The following AHNAK2 variants were observed in gnomAD, a reference collection of about 807,000 sequenced individuals.
AHNAK2 encodes the protein AHNAK nucleoprotein 2.
A neutral mutation model predicts 30.7 loss-of-function variants in AHNAK2; 18 were observed. That is an observed-to-expected ratio of 0.59 (90% confidence interval 0.41 to 0.87). AHNAK2 has a LOEUF of 0.87. Among genes scored for constraint, AHNAK2 ranks in the 40% least tolerant of loss-of-function variants. The pLI, the probability that AHNAK2 is intolerant of heterozygous loss-of-function variation, is 0.00. For synonymous variants in AHNAK2, 3,590 were observed against 3,073.8 expected, an observed-to-expected ratio of 1.17 and a Z score of -5.56; for missense variants, 8,604 against 7,373.0, an observed-to-expected ratio of 1.17 and a Z score of -6.11.
At chr14:104,955,392 G>A in intron 5 of AHNAK2, 91 bp downstream of exon 5, 2 of 1,497,226 alleles carry the variant, frequency 1.3e-6, no homozygotes, top group East Asian at 2.3e-5. Flanking sequence ...CTAAGCTCCA[G>A]GTGTGGTTCT....
chr14:104,940,963 C>A lies in AHNAK2; in HGVS notation c.14488G>T (p.Asp4830Tyr). Reference protein sequence around the residue: ...IPLPKTECSTDLQPPEGVPTS... With the variant: ...IPLPKTECSTYLQPPEGVPTS... ...GGAACTCCCTCTGGAGGCTGCAGGTCAGTGGAGCACTCTGTCTTGGGAAGA... is the reference window on the plus strand; with the variant it reads ...GGAACTCCCTCTGGAGGCTGCAGGTAAGTGGAGCACTCTGTCTTGGGAAGA... Residue 4830 changes from aspartate (D) to tyrosine (Y), a missense_variant, in exon 7 of 7, where the codon GAC becomes TAC. Physicochemically the swap from Asp to Tyr is radical, Grantham distance 160. Transcript: ENST00000333244. The surrounding 1 kb of genome is among the most constrained non-coding windows in gnomAD (Gnocchi z 4.4). 1 of 1,613,080 alleles carries A rather than the reference C, an allele frequency of 6.2e-7. No individual in the cohort carries two copies. The highest frequency in any genetic ancestry group is 1.1e-5 in the South Asian group (1 of 91,046).
rs1448353318 is a variant in AHNAK2, at chr14:104,947,555, C to A, written c.7896G>T (p.Gly2632=). The change falls in exon 7 of 7, where the codon GGG becomes GGT. Residue 2632 remains glycine, a synonymous_variant. Coordinates refer to ENST00000333244, the MANE Select transcript of AHNAK2 (RefSeq NM_138420.4). ...RAKLDGARLE[G]DLSLADKGVT... is the part of the protein sequence containing the mutation. ...CACCCTTGTCGGCCAGGGACAGGTC[C>A]CCCTCCAGCCGCGCACCATCCAGCT... The A allele has an allele frequency of 1.9e-6, 3 of 1,612,656 alleles. No individual in the cohort carries two copies. Among genetic ancestry groups the A allele is most frequent in the Admixed American group, 1.7e-5 (1 of 59,882 alleles).
At chr14:104,967,404 C>T (rs947768216) in intron 1 of AHNAK2, among the ~76,000 whole-genome samples, 3 of 152,264 alleles carry the variant, frequency 2.0e-5, no homozygotes, top group Non-Finnish European at 2.9e-5. Flanking sequence ...CAGCCGGCTG[C>T]ACTCCCAAAT....
rs747383496 is a variant in AHNAK2, at chr14:104,953,150, C to T, written c.2301G>A (p.Lys767=). The T allele has an allele frequency of 1.9e-6, 3 of 1,613,370 alleles. No individual in the cohort carries two copies. The highest frequency in any genetic ancestry group is 2.2e-5 in the East Asian group (1 of 44,864). Residue 767 remains lysine (K), a synonymous_variant, in exon 7 of 7, where the codon AAG becomes AAA. Transcript: ENST00000333244. ...GGCCCTTGAGGTCCACTTTGGGCAT[C>T]TTCAAACTGGGCCTCTGCACCTTGG... is the stretch of plus-strand genomic sequence containing the variant. The part of the protein sequence containing the change: ...HLPKVQRPSL[K]MPKVDLKGPK...
rs1566906777 is a variant in AHNAK2 at position 104,946,891 on chromosome 14, CT to C, written c.8559del (p.Asp2855IlefsTer25). The C allele has an allele frequency of 3.1e-6, 5 of 1,612,576 alleles. No homozygotes were observed. The highest frequency in any genetic ancestry group is 1.1e-5 in the South Asian group (1 of 91,030). On this transcript the variant is annotated frameshift_variant, in exon 7 of 7. Coordinates refer to ENST00000333244, the MANE Select transcript of AHNAK2 (RefSeq NM_138420.4). LOFTEE classifies it low-confidence loss of function (END_TRUNC). ...VEADGSFPSM[Q>X]GDLKTTDIRI... The stretch of plus-strand genomic sequence containing the variant: ...CGGATGTCAGTGGTCTTAAGATCCC[CT>C]TGCATGGAGGGGAAGCTCCCGTCAG...
At position 104,940,871 on chromosome 14, in the gene AHNAK2, T is replaced by A; in HGVS notation, c.14580A>T (p.Val4860=). The A allele has an allele frequency of 6.2e-7, 1 of 1,612,292 alleles. No homozygotes were observed. Among genetic ancestry groups the A allele is most frequent in the South Asian group, 1.1e-5 (1 of 91,046 alleles). ...NSMIPVSLGQ[V]SFPKFYKPKF... ...TTGGTTTATAGAATTTAGGAAAAGA[T>A]ACCTGACCAAGAGAAACAGGAATCA... Residue 4860 remains valine, a synonymous_variant, in exon 7 of 7, where the codon GTA becomes GTT. Transcript: ENST00000333244. This position sits in a 1 kb window ranked among gnomAD's most constrained non-coding sequence, Gnocchi z 4.4.
rs201786194 is a variant in AHNAK2 at position 104,951,905 on chromosome 14, G to C, written c.3546C>G (p.Ile1182Met). The change falls in exon 7 of 7, where the codon ATC (isoleucine) becomes ATG (methionine). Residue 1182 changes from isoleucine to methionine, a missense_variant. Physicochemically the swap from Ile to Met is conservative, Grantham distance 10. Coordinates refer to ENST00000333244, the MANE Select transcript of AHNAK2 (RefSeq NM_138420.4). ...GTGCAGACACATCCACCGAGGCCTC[G>C]ATGGACTTGCCTGGGGCTGACGCCC... The part of the protein sequence containing the change: ...SFGASAPGKS[I>M]EASVDVSAPK... 240 of 1,609,318 alleles carry C rather than the reference G, an allele frequency of 1.5e-4. 4 individuals carry two copies. The highest frequency in any genetic ancestry group is 8.3e-4 in the Middle Eastern group (5 of 6,018).
At chr14:104,971,575 ATCCTT>A (rs1191123508) in intron 1 of AHNAK2, among the ~76,000 whole-genome samples, 2 of 151,358 alleles carry the variant, frequency 1.3e-5, no homozygotes, top group Non-Finnish European at 2.9e-5. Flanking sequence ...CAAGCCTCCC[ATCCTT>A]CCCCGTCATT....
rs574032771 is a variant in AHNAK2, at chr14:104,953,578, C to G, written c.1873G>C (p.Glu625Gln). Residue 625 changes from glutamate (E) to glutamine (Q), a missense_variant, in exon 7 of 7, where the codon GAA (glutamate) becomes CAA (glutamine). Coordinates refer to ENST00000333244, the MANE Select transcript of AHNAK2 (RefSeq NM_138420.4). ...GEATATADRR[E>Q]QRRTEEGLKD... ...AATCCTTCCTCTGTGCGTCTCTGTT[C>G]TCTTCTATCAGCTGTTGCTGTGGCC... 1.2e-6 allele frequency: 2 copies of G among 1,613,958 alleles called. No homozygotes were observed. The highest frequency in any genetic ancestry group is 8.5e-7 in the Non-Finnish European group (1 of 1,179,894).
intron 1 of AHNAK2, among the ~76,000 whole-genome samples, chr14:104,962,825 C>T (rs1034002229): frequency 2.0e-5 from 3 of 152,158 alleles, no homozygotes; most frequent in Non-Finnish European, 4.4e-5. Flanking sequence ...AACCAATAAA[C>T]CTGGACCCTT....
rs1566895986 is a variant in AHNAK2 at position 104,940,586 on chromosome 14, C to T, written c.14865G>A (p.Met4955Ile). The T allele has an allele frequency of 6.2e-7, 1 of 1,613,684 alleles. No individual in the cohort carries two copies. Among genetic ancestry groups the T allele is most frequent in the Middle Eastern group, 1.6e-4 (1 of 6,062 alleles). Residue 4955 changes from methionine (M) to isoleucine (I), a missense_variant, in exon 7 of 7, where the codon ATG (methionine) becomes ATA (isoleucine). Met to Ile is a conservative substitution (Grantham distance 10, BLOSUM62 1). Coordinates refer to ENST00000333244, the MANE Select transcript of AHNAK2 (RefSeq NM_138420.4). The surrounding 1 kb of genome is among the most constrained non-coding windows in gnomAD (Gnocchi z 4.4). The part of the protein sequence containing the change: ...DHEGKGSPLK[M>I]PKIKLPSFRW... ...TAAATGATGGAAGCTTAATCTTAGG[C>T]ATTTTCAAGGGACTCCCTTTCCCTT...
In AHNAK2 at chr14:104,978,321, G is replaced by A; in HGVS notation, c.-84C>T. 2 of 166,376 alleles carry A rather than the reference G, an allele frequency of 1.2e-5. No homozygotes were observed. Among genetic ancestry groups the A allele is most frequent in the East Asian group, 1.7e-4 (1 of 5,822 alleles). 10.3% of individuals were successfully genotyped at this position (166,376 alleles called of 1,614,324 possible). ...TCCGGCGCACGGGGCGGGCGGGCGG[G>A]AGCCGCGCTCTGCCCCGCTGCCCTG... On this transcript the variant is annotated 5_prime_UTR_variant, in exon 1 of 7. Coordinates refer to ENST00000333244, the MANE Select transcript of AHNAK2 (RefSeq NM_138420.4).
chr14:104,953,171 C>A lies in AHNAK2; in HGVS notation c.2280G>T (p.Lys760Asn). 6.2e-7 allele frequency: 1 copy of A among 1,612,836 alleles called. No individual in the cohort carries two copies. The highest frequency in any genetic ancestry group is 8.5e-7 in the Non-Finnish European group (1 of 1,179,562). The stretch of plus-strand genomic sequence containing the variant: ...GCATCTTCAAACTGGGCCTCTGCAC[C>A]TTGGGCAGGTGCCCTTTGAGGCTGG... ...EGASLKGHLP[K>N]VQRPSLKMPK... The change falls in exon 7 of 7, where the codon AAG becomes AAT. Residue 760 changes from lysine (K) to asparagine (N), a missense_variant. Transcript: ENST00000333244.
rs1221478825 is a variant in AHNAK2, at chr14:104,949,825, G to C, written c.5626C>G (p.Pro1876Ala). ...GCCTGGACCACCAGGTCTGCAGAAG[G>C]GAGCGGAATGCAGAGGTCCGTGGTC... is the stretch of plus-strand genomic sequence containing the variant. ...LKTTDLCIPL[P>A]SADLVVQAGQ... Residue 1876 changes from proline to alanine, a missense_variant, in exon 7 of 7, where the codon CCT becomes GCT. By Grantham distance (27) the Pro-to-Ala change is conservative. Coordinates refer to ENST00000333244, the MANE Select transcript of AHNAK2 (RefSeq NM_138420.4). 2 of 1,587,240 alleles carry C rather than the reference G, an allele frequency of 1.3e-6. No individual in the cohort carries two copies. The highest frequency in any genetic ancestry group is 1.7e-6 in the Non-Finnish European group (2 of 1,163,084).
At chr14:104,971,409 C>T (rs906048475) in intron 1 of AHNAK2, among the ~76,000 whole-genome samples, 1 of 152,170 alleles carries the variant, frequency 6.6e-6, no homozygotes, top group Non-Finnish European at 1.5e-5. Flanking sequence ...ACCAGCACGC[C>T]TGGCTAATTT....
In AHNAK2 at chr14:104,948,962, A is replaced by G. The variant is rs59107644; in HGVS notation, c.6489T>C (p.Phe2163=). 0.028 allele frequency: 33,878 copies of G among 1,221,218 alleles called. 8,501 individuals are homozygous for G. The highest frequency in any genetic ancestry group is 0.2 in the African/African-American group (13,736 of 67,754). The allele number at this position is 1,221,218 out of a possible 1,614,324, so 75.6% of individuals were successfully genotyped here. ...FKMPKFKMPS[F]GVSAPGKSIE... is the part of the protein sequence containing the mutation. ...TGGACTTGCCTGGGGCAGACACCCC[A>G]AACGACGGCATCTTGAACTTGGGCA... Residue 2163 remains phenylalanine (F), a synonymous_variant, in exon 7 of 7, where the codon TTT becomes TTC. Transcript: ENST00000333244.
chr14:104,949,400 C>A lies in AHNAK2; in HGVS notation c.6051G>T (p.Lys2017Asn). 6.3e-7 allele frequency: 1 copy of A among 1,582,368 alleles called. No individual in the cohort carries two copies. Among genetic ancestry groups the A allele is most frequent in the Non-Finnish European group, 8.6e-7 (1 of 1,159,682 alleles). Residue 2017 changes from lysine (K) to asparagine (N), a missense_variant, in exon 7 of 7, where the codon AAG (lysine) becomes AAT (asparagine). By Grantham distance (94) the Lys-to-Asn change is moderately conservative. Coordinates refer to ENST00000333244, the MANE Select transcript of AHNAK2 (RefSeq NM_138420.4). Reference sequence around the variant, plus strand: ...AGGGGAGACTCACGTCGGCCTCCACCTTGGGTGCAGGCACATCCACCGAGG... The same window carrying A: ...AGGGGAGACTCACGTCGGCCTCCACATTGGGTGCAGGCACATCCACCGAGG... The part of the protein sequence containing the change: ...IEASVDVPAP[K>N]VEADVSLPSM...
rs112406618 is a variant in AHNAK2, at chr14:104,948,601, C to T, written c.6850G>A (p.Val2284Met). 204 of 1,611,346 alleles carry T rather than the reference C, an allele frequency of 1.3e-4. 6 individuals are homozygous for T. In the African/African-American group the frequency reaches 1.5e-3, roughly 11 times the overall value. Reference sequence around the variant, plus strand: ...CCTGGGGCCTTGACGTCCACCTCCACGCTGGGCAGAGACACCTCCACATCA... The same window carrying T: ...CCTGGGGCCTTGACGTCCACCTCCATGCTGGGCAGAGACACCTCCACATCA... ...APDVEVSLPS[V>M]EVDVKAPGAK... is the part of the protein sequence containing the mutation. Residue 2284 changes from valine to methionine, a missense_variant, in exon 7 of 7, where the codon GTG (valine) becomes ATG (methionine). Val to Met is a conservative substitution (Grantham distance 21). Transcript: ENST00000333244.
In AHNAK2 at chr14:104,942,560, C is replaced by A; in HGVS notation, c.12891G>T (p.Lys4297Asn). 1 of 1,613,264 alleles carries A rather than the reference C, an allele frequency of 6.2e-7. No individual in the cohort carries two copies. Among genetic ancestry groups the A allele is most frequent in the Middle Eastern group, 1.7e-4 (1 of 6,056 alleles). The change falls in exon 7 of 7, where the codon AAG (lysine) becomes AAT (asparagine). Residue 4297 changes from lysine to asparagine, a missense_variant. Physicochemically the swap from Lys to Asn is moderately conservative, Grantham distance 94. Coordinates refer to ENST00000333244, the MANE Select transcript of AHNAK2 (RefSeq NM_138420.4). ...ADKDMTAKDSKFKMPKFKMPS... is the reference protein window; with the variant it reads ...ADKDMTAKDSNFKMPKFKMPS... ...GCATCTTGAACTTGGGCATTTTGAA[C>A]TTGCTGTCTTTGGCAGTCATGTCCT...
Sources: allele counts gnomAD v4.1 joint callset (sites outside exome capture counted in the v4.1 genomes callset), GRCh38; gene constraint gnomAD v4.1.1; non-coding constraint Gnocchi (gnomAD v3.1); transcripts MANE v1.5; gene names NCBI Gene and HGNC (gene_info 2026-07-23, HGNC 2026-07-21).